The following IL6R variants were observed in gnomAD, a reference collection of about 807,000 sequenced individuals.
IL6R encodes the protein interleukin 6 receptor.
In IL6R, 38 loss-of-function variants were observed where a neutral mutation model predicts 48.3. The ratio of observed to expected loss-of-function variants is 0.79; its 90% CI spans 0.61 to 1.03. IL6R has a LOEUF of 1.03. IL6R is among the 50% of genes least tolerant of loss of function. IL6R has a pLI of 0.00. For missense variants in IL6R, 534 were observed against 618.3 expected (o/e 0.86, Z 1.45); for synonymous variants, 264 against 256.2 (o/e 1.03, Z -0.29).
rs148101676 is a variant in IL6R at position 154,419,649 on chromosome 1, C to T, written c.86-9547C>T. 1.1e-3 allele frequency among the ~76,000 whole-genome samples: 162 copies of T among 152,200 alleles called. 2 individuals are homozygous for T. The East Asian group carries it at 0.028, about 27-fold the overall frequency. ...GGTGGTGAGATGGGATTAGCAGGCA[C>T]GAGCCAAGCCTGTGTCCTCGGTGGC... is the stretch of plus-strand genomic sequence containing the variant. On this transcript the variant is annotated intron_variant, in intron 1 of 9. Coordinates refer to ENST00000368485, the MANE Select transcript of IL6R (RefSeq NM_000565.4).
chr1:154,465,385 C>T lies in IL6R; in HGVS notation c.*5C>T. The T allele has an allele frequency of 6.2e-7, 1 of 1,614,076 alleles. No homozygotes were observed. The highest frequency in any genetic ancestry group is 1.1e-5 in the South Asian group (1 of 91,084). ...GACTACTTCTTCCCCAGATAGCTGG[C>T]TGGGTGGCACCAGCAGCCTGGACCC... On this transcript the variant is annotated 3_prime_UTR_variant, in exon 10 of 10. Transcript: ENST00000368485.
intron 1 of IL6R, among the ~76,000 whole-genome samples, chr1:154,409,397 T>C (rs1687901010): frequency 6.6e-6 from 1 of 152,144 alleles, no homozygotes; most frequent in Non-Finnish European, 1.5e-5. Context: ...TCATTTTGCA[T>C]AGGTGATGGC....
intron 3 of IL6R, among the ~76,000 whole-genome samples, chr1:154,434,130 C>A (rs1318575978): frequency 6.6e-6 from 1 of 151,694 alleles, no homozygotes; most frequent in African/African-American, 2.4e-5. Flanking sequence ...GTCAGCAGTT[C>A]GAGACCAGCC....
chr1:154,437,530 C>A, intron 6 of IL6R: 1 of 439,928 alleles, frequency 2.3e-6, no homozygotes, highest in South Asian at 1.6e-5. Flanking sequence ...CCTCCCGCCT[C>A]AGCCTCCTAA....
At chr1:154,450,021 CAGA>C (rs1445942916) in intron 8 of IL6R, 41 bp downstream of exon 8, 3 of 1,291,788 alleles carry the variant, frequency 2.3e-6, no homozygotes, top group Admixed American at 3.4e-5. Flanking sequence ...GTCCGAGGGA[CAGA>C]AGATTTGTCT....
chr1:154,443,600 C>A (rs1690049565), intron 6 of IL6R, among the ~76,000 whole-genome samples: 1 of 152,148 alleles, frequency 6.6e-6, no homozygotes, highest in African/African-American at 2.4e-5. Flanking sequence ...TGGGGAAGTA[C>A]CTCACTGAGA....
chr1:154,468,128 T>A lies in IL6R; in HGVS notation c.*2748T>A, dbSNP rs41308415. On this transcript the variant is annotated 3_prime_UTR_variant, in exon 10 of 10. Transcript: ENST00000368485. ...TTTCCCTTTATTTTTCATAAGCTAA[T>A]GTAAATGAAGAAAAAATGTCTTCTC... is the stretch of plus-strand genomic sequence containing the variant. The A allele has an allele frequency of 2.6e-5, 4 of 152,302 alleles. No individual in the cohort carries two copies. In the East Asian group the frequency reaches 7.7e-4, roughly 29 times the overall value. 9.4% of individuals were successfully genotyped at this position (152,302 alleles called of 1,614,324 possible).
chr1:154,462,260 G>T (rs911019079), intron 9 of IL6R, among the ~76,000 whole-genome samples: 1 of 151,788 alleles, frequency 6.6e-6, no homozygotes, highest in Non-Finnish European at 1.5e-5. Flanking sequence ...TTTCTTGTTT[G>T]TTTTTACACA....
At chr1:154,427,854 C>T (rs571084530) in intron 1 of IL6R, among the ~76,000 whole-genome samples, 2 of 152,300 alleles carry the variant, frequency 1.3e-5, no homozygotes, top group Non-Finnish European at 2.9e-5. Context: ...AAAAACGCCT[C>T]ATAAACAAGA....
chr1:154,442,171 G>A (rs1689973843), intron 6 of IL6R, among the ~76,000 whole-genome samples: 2 of 152,098 alleles, frequency 1.3e-5, no homozygotes, highest in Non-Finnish European at 2.9e-5. Context: ...ATGTGCTTGA[G>A]GGGGCTGGAG....
At position 154,424,774 on chromosome 1, in the gene IL6R, C is replaced by T. The variant is rs147373662; in HGVS notation, c.86-4422C>T. Among the ~76,000 whole-genome samples, 403 of 152,218 alleles carry T rather than the reference C, an allele frequency of 2.6e-3. 3 individuals carry two copies. The highest frequency in any genetic ancestry group is 9.1e-3 in the African/African-American group (379 of 41,522). ...CTCATTGGAGTTCAACGCACTGGAC[C>T]GTGTGTTCAGTTGTGATGTAGCAGG... On this transcript the variant is annotated intron_variant, in intron 1 of 9. Transcript: ENST00000368485.
chr1:154,414,619 G>A, intron 1 of IL6R: 1 of 792,388 alleles, frequency 1.3e-6, no homozygotes, highest in Non-Finnish European at 2.2e-6. Flanking sequence ...ATCCCTGATA[G>A]TGTCAAGCAG....
chr1:154,410,697 C>G (rs369500379), intron 1 of IL6R, among the ~76,000 whole-genome samples: 8 of 152,216 alleles, frequency 5.3e-5, no homozygotes, highest in African/African-American at 1.2e-4. Context: ...CAGCCTCCCC[C>G]ACTCCTGCTC....
chr1:154,442,875 C>T (rs1382005882), intron 6 of IL6R, among the ~76,000 whole-genome samples: 1 of 151,912 alleles, frequency 6.6e-6, no homozygotes, highest in East Asian at 1.9e-4. Flanking sequence ...CAGCCTTGAA[C>T]TCCTGCCTCA....
At chr1:154,445,340 C>T (rs1310701903) in intron 6 of IL6R, among the ~76,000 whole-genome samples, 1 of 152,164 alleles carries the variant, frequency 6.6e-6, no homozygotes, top group Non-Finnish European at 1.5e-5. Flanking sequence ...GAAACCTGAG[C>T]CGCCAGAGGT....
At chr1:154,427,196 G>T (rs1211719355) in intron 1 of IL6R, among the ~76,000 whole-genome samples, 1 of 152,138 alleles carries the variant, frequency 6.6e-6, no homozygotes, top group Non-Finnish European at 1.5e-5. Context: ...GGGATTACAG[G>T]TGTGAGGCCC....
intron 9 of IL6R, among the ~76,000 whole-genome samples, chr1:154,460,703 G>A (rs768364252): frequency 2.0e-5 from 3 of 152,154 alleles, no homozygotes; most frequent in Non-Finnish European, 2.9e-5. Context: ...ATAATGAGAT[G>A]CACGTGGCAA....
intron 7 of IL6R, among the ~76,000 whole-genome samples, chr1:154,449,131 A>G (rs1385175547): frequency 2.7e-5 from 4 of 145,464 alleles, no homozygotes; most frequent in East Asian, 2.0e-4. Flanking sequence ...TCCTGACCTC[A>G]TGATCCACCC....
Position 154,429,481 on chromosome 1 carries a change from G to A in IL6R, c.334+37G>A, listed in dbSNP as rs368041955. On this transcript the variant is annotated intron_variant, in intron 2 of 9. Transcript: ENST00000368485. ...CTCAGAGGTCCCGGAGATAGTTCCCGTAAGAAATGAGGCTTTGTGCATTCC... is the reference window on the plus strand; with the variant it reads ...CTCAGAGGTCCCGGAGATAGTTCCCATAAGAAATGAGGCTTTGTGCATTCC... The A allele has an allele frequency of 1.1e-4, 170 of 1,584,302 alleles. 1 individual carries two copies. Among genetic ancestry groups the A allele is most frequent in the Middle Eastern group, 3.4e-4 (2 of 5,952 alleles).
Sources: gnomAD v4.1 joint callset for allele counts (sites outside exome capture counted in the v4.1 genomes callset) on GRCh38, gnomAD v4.1.1 for gene constraint, MANE v1.5 for transcripts, NCBI Gene and HGNC (gene_info 2026-07-23, HGNC 2026-07-21) for gene names.